KIF20A: variants seen among roughly 807,000 people sequenced by gnomAD.
KIF20A encodes kinesin family member 20A, also known as kinesin-like protein KIF20A.
A neutral mutation model predicts 113.0 loss-of-function variants in KIF20A; 66 were observed. The observed-to-expected ratio is 0.58, with a 90% CI of 0.48 to 0.72. KIF20A has a LOEUF of 0.72. Among genes scored for constraint, KIF20A ranks in the 30% least tolerant of loss-of-function variants. The probability of loss-of-function intolerance (pLI) is 0.00; values close to 1 mark genes in which losing one functional copy is unlikely to be tolerated. For missense variants in KIF20A, 927 were observed against 1,077.6 expected (o/e 0.86, Z 1.96); for synonymous variants, 376 against 402.3 (o/e 0.93, Z 0.78).
Position 138,185,026 on chromosome 5 carries a change from A to C in KIF20A, c.1824-69A>C, listed in dbSNP as rs1754722361. On this transcript the variant is annotated intron_variant, in intron 14 of 18. Transcript: ENST00000394894. ...AAGGAGTTAGGTGGAGTTGTGCCTCAAGATCTGTTCCCCAAGTTCACTCCT... is the reference window on the plus strand; with the variant it reads ...AAGGAGTTAGGTGGAGTTGTGCCTCCAGATCTGTTCCCCAAGTTCACTCCT... The C allele has an allele frequency of 5.6e-6, 9 of 1,595,372 alleles. No homozygotes were observed. In the East Asian group the frequency reaches 2.0e-4, roughly 36 times the overall value.
At position 138,181,421 on chromosome 5, in the gene KIF20A, G is replaced by C; in HGVS notation, c.166-1G>C. The C allele has an allele frequency of 6.2e-7, 1 of 1,613,668 alleles. No individual in the cohort carries two copies. Among genetic ancestry groups the C allele is most frequent in the Non-Finnish European group, 8.5e-7 (1 of 1,179,544 alleles). ...GGTTCTGGGCTGGGATTCTGCCACA[G>C]GTTCCATCTGAGGACAGTATGGAGA... On this transcript the variant is annotated splice_acceptor_variant, in intron 2 of 18. Coordinates refer to ENST00000394894, the MANE Select transcript of KIF20A (RefSeq NM_005733.3). LOFTEE classifies it high-confidence loss of function.
At position 138,185,146 on chromosome 5, in the gene KIF20A, A is replaced by G; in HGVS notation, c.1875A>G (p.Lys625=). Reference sequence around the variant, plus strand: ...TATTGGAGGAAATGTATGAAGAAAAACTAAATATCCTCAAGGAGTCACTGA... The same window carrying G: ...TATTGGAGGAAATGTATGAAGAAAAGCTAAATATCCTCAAGGAGTCACTGA... The part of the protein sequence containing the change: ...KELLEEMYEE[K]LNILKESLTS... The change falls in exon 15 of 19, where the codon AAA becomes AAG. Residue 625 remains lysine, a synonymous_variant. Coordinates refer to ENST00000394894, the MANE Select transcript of KIF20A (RefSeq NM_005733.3). 2.5e-6 allele frequency: 4 copies of G among 1,614,068 alleles called. No individual in the cohort carries two copies. Among genetic ancestry groups the G allele is most frequent in the Non-Finnish European group, 3.4e-6 (4 of 1,179,964 alleles).
chr5:138,181,564 T>G (rs773999855), intron 3 of KIF20A, 45 bp from the exon 4 acceptor site: 1 of 1,614,048 alleles, frequency 6.2e-7, no homozygotes, highest in Non-Finnish European at 8.5e-7. Flanking sequence ...TACAAAAGAT[T>G]CCCAGGAATG....
chr5:138,185,466 A>AT, intron 15 of KIF20A, 46 bp from the exon 16 acceptor site: 1 of 1,574,788 alleles, frequency 6.4e-7, no homozygotes, highest in Non-Finnish European at 8.7e-7. Flanking sequence ...TCTTAGCAAT[A>AT]TTTTTCTGGC....
At chr5:138,181,873 C>T (rs1434059220) in intron 4 of KIF20A, 145 bp downstream of exon 4, 6 of 809,750 alleles carry the variant, frequency 7.4e-6, no homozygotes, top group Non-Finnish European at 1.2e-5. Context: ...ATGTGTTAGT[C>T]AATGTGTCAA....
At chr5:138,180,752 T>C (rs1427863712) in intron 2 of KIF20A, among the ~76,000 whole-genome samples, 8 of 152,190 alleles carry the variant, frequency 5.3e-5, no homozygotes. Context: ...CTCTGCTCAC[T>C]GCAACCTCCG....
chr5:138,182,426 G>C lies in KIF20A; in HGVS notation c.479G>C (p.Gly160Ala). The C allele has an allele frequency of 6.2e-7, 1 of 1,614,202 alleles. No homozygotes were observed. The highest frequency in any genetic ancestry group is 8.5e-7 in the Non-Finnish European group (1 of 1,180,024). ...CAGAACTGGCTCATCTATACATATGGAGTCACTAACTCAGGGAAAACCCAC... is the reference window on the plus strand; with the variant it reads ...CAGAACTGGCTCATCTATACATATGCAGTCACTAACTCAGGGAAAACCCAC... ...KGQNWLIYTY[G>A]VTNSGKTHTI... The change falls in exon 5 of 19, where the codon GGA (glycine) becomes GCA (alanine). Residue 160 changes from glycine to alanine, a missense_variant. Physicochemically the swap from Gly to Ala is moderately conservative, Grantham distance 60. Transcript: ENST00000394894.
chr5:138,179,602 G>C, intron 1 of KIF20A, 58 bp from the exon 2 acceptor site: 1 of 1,453,984 alleles, frequency 6.9e-7, no homozygotes, highest in Non-Finnish European at 9.5e-7. Flanking sequence ...CCTAAAATTC[G>C]CGGCCCCTTC....
intron 15 of KIF20A, 95 bp downstream of exon 15, chr5:138,185,292 C>T (rs1008787662): frequency 1.1e-6 from 1 of 897,950 alleles, no homozygotes; most frequent in Non-Finnish European, 1.8e-6. Context: ...CCAGTAAGGG[C>T]AGGAATATAT....
intron 1 of KIF20A, chr5:138,179,414 C>T (rs1561627247): frequency 2.2e-6 from 1 of 446,216 alleles, no homozygotes; most frequent in Non-Finnish European, 4.1e-6. Flanking sequence ...TTAGGCGTAG[C>T]CTTCTGCTTT....
rs374368372 is a variant in KIF20A at position 138,183,041 on chromosome 5, G to C, written c.832+51G>C. The stretch of plus-strand genomic sequence containing the variant: ...AAAAAATAGTAGGAACTCACTCCCT[G>C]TTCCTAATAGCTGCCAGGAGTACAG... On this transcript the variant is annotated intron_variant, in intron 7 of 18. Transcript: ENST00000394894. The surrounding 1 kb of genome is among the most constrained non-coding windows in gnomAD (Gnocchi z 5.2). The C allele has an allele frequency of 2.5e-6, 4 of 1,611,946 alleles. No individual in the cohort carries two copies. In the African/African-American group the frequency reaches 5.3e-5, roughly 22 times the overall value.
At chr5:138,179,586 T>A (rs1754602276) in intron 1 of KIF20A, 74 bp from the exon 2 acceptor site, 1 of 1,234,808 alleles carries the variant, frequency 8.1e-7, no homozygotes, top group Non-Finnish European at 1.2e-6. Context: ...GGCAAGGGAC[T>A]TATTACCTAA....
At position 138,184,007 on chromosome 5, in the gene KIF20A, G is replaced by C. The variant is rs145418441; in HGVS notation, c.1254G>C (p.Gln418His). ...DLAGSERCKDQKSGERLKEAG... is the reference protein window; with the variant it reads ...DLAGSERCKDHKSGERLKEAG... ...CTGGCTCAGAGCGCTGCAAAGATCA[G>C]AAGAGTGGTGAACGGTTGAAGGAAG... Residue 418 changes from glutamine to histidine, a missense_variant, in exon 11 of 19, where the codon CAG becomes CAC. Gln to His is a conservative substitution (Grantham distance 24, BLOSUM62 0). Transcript: ENST00000394894. 17 of 1,614,072 alleles carry C rather than the reference G, an allele frequency of 1.1e-5. No individual in the cohort carries two copies. Among genetic ancestry groups the C allele is most frequent in the Non-Finnish European group, 1.4e-5 (17 of 1,180,046 alleles).
At chr5:138,186,897 T>A (rs1472229877) in intron 18 of KIF20A, among the ~76,000 whole-genome samples, 199 bp from the exon 19 acceptor site, 2 of 152,200 alleles carry the variant, frequency 1.3e-5, no homozygotes, top group Non-Finnish European at 2.9e-5. Context: ...TTAGAAGATG[T>A]CCTATTCAGC....
At chr5:138,180,504 C>T (rs1180829283) in intron 2 of KIF20A, among the ~76,000 whole-genome samples, 6 of 152,260 alleles carry the variant, frequency 3.9e-5, no homozygotes, top group African/African-American at 1.4e-4. Context: ...AGGTCCTATG[C>T]TAAACATTAA....
At position 138,187,708 on chromosome 5, in the gene KIF20A, A is replaced by G. The variant is rs1754770428; in HGVS notation, c.*295A>G. 1 of 273,626 alleles carries G rather than the reference A, an allele frequency of 3.7e-6. No homozygotes were observed. Among genetic ancestry groups the G allele is most frequent in the African/African-American group, 2.2e-5 (1 of 44,662 alleles). The allele number at this position is 273,626 out of a possible 1,614,324, so 16.9% of individuals were successfully genotyped here. The stretch of plus-strand genomic sequence containing the variant: ...TAGCAAAATCATTAAAACAAATTAT[A>G]AAAGGGACAGAAAAATTAAGAATCA... On this transcript the variant is annotated 3_prime_UTR_variant, in exon 19 of 19. Coordinates refer to ENST00000394894, the MANE Select transcript of KIF20A (RefSeq NM_005733.3).
Position 138,183,296 on chromosome 5 carries a change from T to C in KIF20A, c.960T>C (p.Pro320=). 6.2e-7 allele frequency: 1 copy of C among 1,614,224 alleles called. No individual in the cohort carries two copies. Among genetic ancestry groups the C allele is most frequent in the Admixed American group, 1.7e-5 (1 of 60,026 alleles). Residue 320 remains proline (P), a synonymous_variant, in exon 8 of 19, where the codon CCT becomes CCC. Transcript: ENST00000394894. This position sits in a 1 kb window ranked among gnomAD's most constrained non-coding sequence, Gnocchi z 5.2. ...NELLYDLLEP[P]SQQRKRQTLR... ...TGCTTTATGACCTATTAGAACCGCC[T>C]AGCCAACAGCGCAAGAGGCAGACTT...
chr5:138,182,952 C>T lies in KIF20A; in HGVS notation c.794C>T (p.Ser265Phe). ...TSFDSGIAGL[S>F]SISQCTSSSQ... The stretch of plus-strand genomic sequence containing the variant: ...TTCGACAGTGGCATTGCTGGGCTCT[C>T]TTCTATCAGTCAGTGTACCAGCAGT... Residue 265 changes from serine to phenylalanine, a missense_variant, in exon 7 of 19, where the codon TCT (serine) becomes TTT (phenylalanine). Transcript: ENST00000394894. 1 of 1,614,202 alleles carries T rather than the reference C, an allele frequency of 6.2e-7. No homozygotes were observed. Among genetic ancestry groups the T allele is most frequent in the Non-Finnish European group, 8.5e-7 (1 of 1,180,024 alleles).
In KIF20A at chr5:138,183,652, AAT is replaced by A. The variant is rs777998590; in HGVS notation, c.1140-35_1140-34del. ...ATTAGTCCTCTGCCTGGTCATGGAA[AAT>A]GTGCAATGACTTTTTGTTTTTCTTA... On this transcript the variant is annotated intron_variant, in intron 9 of 18. Coordinates refer to ENST00000394894, the MANE Select transcript of KIF20A (RefSeq NM_005733.3). This position sits in a 1 kb window ranked among gnomAD's most constrained non-coding sequence, Gnocchi z 5.2. 1 of 1,610,120 alleles carries A rather than the reference AAT, an allele frequency of 6.2e-7. No individual in the cohort carries two copies. Among genetic ancestry groups the A allele is most frequent in the South Asian group, 1.1e-5 (1 of 90,998 alleles).
Sources: gnomAD v4.1 joint callset for allele counts (sites outside exome capture counted in the v4.1 genomes callset) on GRCh38, gnomAD v4.1.1 for gene constraint, Gnocchi (gnomAD v3.1) non-coding constraint, MANE v1.5 for transcripts, NCBI Gene and HGNC (gene_info 2026-07-23, HGNC 2026-07-21) for gene names.